Variants in FRAS1 observed in about 807,000 individuals in gnomAD.
FRAS1 encodes extracellular matrix organizing protein FRAS1.
A neutral mutation model predicts 435.2 loss-of-function variants in FRAS1; 290 were observed. The ratio of observed to expected loss-of-function variants is 0.67; its 90% CI spans 0.61 to 0.73. FRAS1 has a LOEUF of 0.73. Ranked by LOEUF, FRAS1 falls within the 30% of genes least tolerant of loss-of-function variation. FRAS1 has a pLI of 0.00. For missense variants in FRAS1, 4,860 were observed against 5,001.5 expected (o/e 0.97, Z 0.85); for synonymous variants, 1,800 against 1,851.0 (o/e 0.97, Z 0.71).
chr4:78,293,404 G>C (rs1727993802), intron 14 of FRAS1, among the ~76,000 whole-genome samples: 2 of 152,134 alleles, frequency 1.3e-5, no homozygotes, highest in African/African-American at 4.8e-5. Flanking sequence ...ACTAAACTTT[G>C]GCTTACAGAT....
intron 20 of FRAS1, among the ~76,000 whole-genome samples, chr4:78,346,718 T>G (rs1390218718): frequency 1.3e-5 from 2 of 152,140 alleles, no homozygotes; most frequent in African/African-American, 4.8e-5. Context: ...CAAACAAACC[T>G]CATCTTTTCT....
chr4:78,117,454 C>G (rs1258830863), intron 2 of FRAS1, among the ~76,000 whole-genome samples: 1 of 152,226 alleles, frequency 6.6e-6, no homozygotes, highest in East Asian at 1.9e-4. Context: ...TTCTCCCTGT[C>G]ACTTTCAGAT....
chr4:78,435,115 G>A lies in FRAS1; in HGVS notation c.5217+2511G>A, dbSNP rs114818077. Among the ~76,000 whole-genome samples, 921 of 152,116 alleles carry A rather than the reference G, an allele frequency of 6.1e-3. 10 individuals are homozygous for A. The highest frequency in any genetic ancestry group is 0.021 in the African/African-American group (862 of 41,514). ...CTACAAAAATACAAAAATCATCCAG[G>A]CATGTTAGCTCATACCTGTAGTCCC... On this transcript the variant is annotated intron_variant, in intron 38 of 73. Transcript: ENST00000512123.
At chr4:78,117,518 G>T (rs1024408138) in intron 2 of FRAS1, among the ~76,000 whole-genome samples, 8 of 152,118 alleles carry the variant, frequency 5.3e-5, no homozygotes, top group Non-Finnish European at 1.2e-4. Flanking sequence ...TTTCTTGGAG[G>T]CTTTGTTAAT....
intron 31 of FRAS1, among the ~76,000 whole-genome samples, chr4:78,408,067 C>G (rs1482462681): frequency 6.6e-6 from 1 of 152,130 alleles, no homozygotes; most frequent in African/African-American, 2.4e-5. Context: ...AGAGGCCTCA[C>G]AATCACAGTG....
At chr4:78,198,565 C>G (rs1016556444) in intron 2 of FRAS1, among the ~76,000 whole-genome samples, 1 of 152,234 alleles carries the variant, frequency 6.6e-6, no homozygotes, top group Non-Finnish European at 1.5e-5. Context: ...GCTGCTCTCT[C>G]TGGTTCATAG....
At chr4:78,171,672 T>C (rs954741107) in intron 2 of FRAS1, among the ~76,000 whole-genome samples, 2 of 152,158 alleles carry the variant, frequency 1.3e-5, no homozygotes, top group Non-Finnish European at 2.9e-5. Context: ...GCCTAGCCTG[T>C]GAGTGTCGCC....
chr4:78,195,671 C>T (rs1232280526), intron 2 of FRAS1, among the ~76,000 whole-genome samples: 1 of 152,174 alleles, frequency 6.6e-6, no homozygotes. Flanking sequence ...GCTGTCTTGT[C>T]ACCCCTTTCT....
At chr4:78,096,725 C>T (rs1222726269) in intron 2 of FRAS1, among the ~76,000 whole-genome samples, 1 of 152,242 alleles carries the variant, frequency 6.6e-6, no homozygotes, top group Non-Finnish European at 1.5e-5. Flanking sequence ...CACCAAATCC[C>T]TACACTCCAC....
chr4:78,516,049 A>G, intron 66 of FRAS1, 36 bp downstream of exon 66: 4 of 1,501,980 alleles, frequency 2.7e-6, no homozygotes, highest in Non-Finnish European at 3.6e-6. Flanking sequence ...GACTCTGCAT[A>G]TGGGTGCCAT....
chr4:78,534,961 C>G (rs12648204), intron 71 of FRAS1, among the ~76,000 whole-genome samples: 65,947 of 152,004 alleles, frequency 0.43, 15,011 homozygotes, highest in East Asian at 0.79. Context: ...AGTCTCAAAA[C>G]GATGCCAAAC....
At chr4:78,531,156 A>G (rs752203728) in intron 70 of FRAS1, among the ~76,000 whole-genome samples, 1 of 152,160 alleles carries the variant, frequency 6.6e-6, no homozygotes, top group Non-Finnish European at 1.5e-5. Flanking sequence ...TTACTGTTGT[A>G]TAGGAATGCT....
intron 2 of FRAS1, among the ~76,000 whole-genome samples, chr4:78,192,423 G>T (rs1341636795): frequency 6.6e-6 from 1 of 152,154 alleles, no homozygotes; most frequent in Non-Finnish European, 1.5e-5. Flanking sequence ...TGGATAGTAA[G>T]CTATTAATTA....
At position 78,489,085 on chromosome 4, in the gene FRAS1, G is replaced by C. The variant is rs763831155; in HGVS notation, c.8958+5G>C. 26 of 1,607,296 alleles carry C rather than the reference G, an allele frequency of 1.6e-5. No individual in the cohort carries two copies. Among genetic ancestry groups the C allele is most frequent in the Non-Finnish European group, 2.2e-5 (26 of 1,176,660 alleles). ...ACATTTCTCAAAGGGGACAAAGTAA[G>C]TGGATTGGTGGTGGCTGAAAGATGA... is the stretch of plus-strand genomic sequence containing the variant. On this transcript the variant is annotated splice_donor_5th_base_variant and intron_variant, in intron 59 of 73. Transcript: ENST00000512123.
intron 3 of FRAS1, among the ~76,000 whole-genome samples, chr4:78,238,253 T>C (rs934829152): frequency 6.6e-6 from 1 of 151,568 alleles, no homozygotes; most frequent in African/African-American, 2.4e-5. Context: ...TTCCCTTCTG[T>C]TAAAAATTTT....
chr4:78,078,823 C>A (rs1275697107), intron 2 of FRAS1, among the ~76,000 whole-genome samples: 1 of 151,886 alleles, frequency 6.6e-6, no homozygotes, highest in African/African-American at 2.4e-5. Context: ...TGTTAATAAC[C>A]AGGTAAAAAC....
chr4:78,146,819 A>C (rs1446807872), intron 2 of FRAS1, among the ~76,000 whole-genome samples: 1 of 152,132 alleles, frequency 6.6e-6, no homozygotes, highest in Non-Finnish European at 1.5e-5. Context: ...TGTACATTAT[A>C]ATTTCATTGA....
In FRAS1 at chr4:78,307,467, C is replaced by T. The variant is rs1416483963; in HGVS notation, c.1535-599C>T. Among the ~76,000 whole-genome samples the T allele has an allele frequency of 4.6e-5, 7 of 152,342 alleles. No homozygotes were observed. In the East Asian group the frequency reaches 5.8e-4, roughly 13 times the overall value. ...GGCGGGCGCCCCTCCCCCAGCCTTG[C>T]TGCCGCCTTGCAGTTTGATCTCAGC... On this transcript the variant is annotated intron_variant, in intron 14 of 73. Transcript: ENST00000512123.
At chr4:78,356,467 C>G (rs375817858) in intron 20 of FRAS1, among the ~76,000 whole-genome samples, 4 of 152,260 alleles carry the variant, frequency 2.6e-5, no homozygotes, top group African/African-American at 9.6e-5. Context: ...AAGGTCTTCC[C>G]CAGTCATGCA....
Sources: allele counts gnomAD v4.1 joint callset (sites outside exome capture counted in the v4.1 genomes callset), GRCh38; gene constraint gnomAD v4.1.1; transcripts MANE v1.5; gene names NCBI Gene and HGNC (gene_info 2026-07-23, HGNC 2026-07-21).